VEPH1: variants seen among roughly 807,000 people sequenced by gnomAD.
VEPH1 encodes the protein ventricular zone-expressed PH domain-containing protein homolog 1.
In VEPH1, 80 loss-of-function variants were observed where a neutral mutation model predicts 85.2. The observed-to-expected ratio is 0.94, with a 90% CI of 0.78 to 1.13. The LOEUF (loss-of-function observed/expected upper bound fraction) is 1.13, where lower values mean the gene tolerates loss of function less well. VEPH1 is among the 50% of genes most tolerant of loss of function. VEPH1 has a pLI of 0.00. For synonymous variants in VEPH1, 297 were observed against 348.0 expected, an observed-to-expected ratio of 0.85 and a Z score of 1.63; for missense variants, 955 against 980.5, an observed-to-expected ratio of 0.97 and a Z score of 0.35.
At chr3:157,369,192 A>AACAAAAAAAAAAAAAAAAAAC (rs1170711720) in intron 7 of VEPH1, among the ~76,000 whole-genome samples, 4 of 142,782 alleles carry the variant, frequency 2.8e-5, no homozygotes, top group South Asian at 4.9e-4. Flanking sequence ...AAAAAAAAAA[A>AACAAAAAAAAAAAAAAAAAAC]AAAAAAAAAA....
intron 7 of VEPH1, among the ~76,000 whole-genome samples, chr3:157,371,819 T>C (rs1271178721): frequency 6.6e-6 from 1 of 152,210 alleles, no homozygotes; most frequent in East Asian, 1.9e-4. Context: ...AGGTACATTT[T>C]CGGGTTTTGC....
chr3:157,400,187 C>A (rs1020489372), intron 6 of VEPH1, among the ~76,000 whole-genome samples: 1 of 151,712 alleles, frequency 6.6e-6, no homozygotes, highest in African/African-American at 2.4e-5. Context: ...GCTGTCTGGG[C>A]AAAACAATTT....
At chr3:157,429,862 T>C (rs1733014859) in intron 4 of VEPH1, among the ~76,000 whole-genome samples, 1 of 152,204 alleles carries the variant, frequency 6.6e-6, no homozygotes, top group Non-Finnish European at 1.5e-5. Context: ...AGTTGCAGTC[T>C]AAGACAGGAA....
rs1443211693 is a variant in VEPH1 at position 157,302,659 on chromosome 3, G to A, written c.2010+10962C>T. On this transcript the variant is annotated intron_variant, in intron 11 of 13. Coordinates refer to ENST00000362010, the MANE Select transcript of VEPH1 (RefSeq NM_001167912.2). ...CATTTTTGTTGTTTATAAGCACCCA[G>A]TTAATAGTATTTTGTTATAGCAGCC... Among the ~76,000 whole-genome samples, 71 of 152,178 alleles carry A rather than the reference G, an allele frequency of 4.7e-4. 1 individual carries two copies. Among genetic ancestry groups the A allele is most frequent in the Non-Finnish European group, 2.9e-5 (2 of 68,030 alleles).
intron 9 of VEPH1, among the ~76,000 whole-genome samples, chr3:157,340,357 G>A (rs561386345): frequency 2.0e-4 from 31 of 152,282 alleles, no homozygotes; most frequent in Admixed American, 6.5e-4. Flanking sequence ...CTTAGCAAAC[G>A]GCACACCAGG....
intron 9 of VEPH1, among the ~76,000 whole-genome samples, chr3:157,321,151 T>A (rs1721305921): frequency 6.6e-6 from 1 of 152,068 alleles, no homozygotes; most frequent in South Asian, 2.1e-4. Context: ...ATAAATTAGG[T>A]CTCATTTTGA....
chr3:157,293,070 T>C (rs1191384201), intron 11 of VEPH1, among the ~76,000 whole-genome samples: 2 of 152,148 alleles, frequency 1.3e-5, no homozygotes, highest in South Asian at 2.1e-4. Context: ...GCTTTCATTT[T>C]TAAACATCAG....
Position 157,308,853 on chromosome 3 carries a change from A to G in VEPH1, c.2010+4768T>C, listed in dbSNP as rs567632089. Among the ~76,000 whole-genome samples, 3 of 152,242 alleles carry G rather than the reference A, an allele frequency of 2.0e-5. No individual in the cohort carries two copies. In the South Asian group the frequency reaches 6.2e-4, roughly 32 times the overall value. The stretch of plus-strand genomic sequence containing the variant: ...ACTTAGTTTACTCATTTGTAAGATG[A>G]TAATAATAATGCTGTCTATCTCATA... On this transcript the variant is annotated intron_variant, in intron 11 of 13. Transcript: ENST00000362010.
intron 2 of VEPH1, among the ~76,000 whole-genome samples, chr3:157,471,808 T>C (rs1347530332): frequency 6.6e-6 from 1 of 152,094 alleles, no homozygotes; most frequent in Non-Finnish European, 1.5e-5. Flanking sequence ...TATCTCTACG[T>C]TTCATTATTT....
At chr3:157,438,709 A>G (rs1020368699) in intron 4 of VEPH1, among the ~76,000 whole-genome samples, 3 of 152,162 alleles carry the variant, frequency 2.0e-5, no homozygotes, top group Admixed American at 6.5e-5. Context: ...CCCATGTGAC[A>G]CTCCATGAAT....
chr3:157,349,617 A>G (rs1049843124), intron 9 of VEPH1, among the ~76,000 whole-genome samples: 4 of 152,182 alleles, frequency 2.6e-5, no homozygotes, highest in Non-Finnish European at 5.9e-5. Context: ...TGACATGATC[A>G]TATATATAGA....
chr3:157,267,263 A>C (rs1446442362), intron 12 of VEPH1, among the ~76,000 whole-genome samples: 2 of 150,676 alleles, frequency 1.3e-5, no homozygotes, highest in Non-Finnish European at 3.0e-5. Context: ...GCTCGGCTAA[A>C]TTTTTGTATT....
intron 11 of VEPH1, among the ~76,000 whole-genome samples, chr3:157,290,398 C>A (rs1717338781): frequency 6.6e-6 from 1 of 152,204 alleles, no homozygotes; most frequent in Non-Finnish European, 1.5e-5. Flanking sequence ...GAAATCCTGA[C>A]ACTCTGGTAC....
chr3:157,369,179 T>TGAAAAAAAAAAAAAAA (rs1727114463), intron 7 of VEPH1, among the ~76,000 whole-genome samples: 1 of 15,054 alleles, frequency 6.6e-5, no homozygotes, highest in Non-Finnish European at 1.2e-4. Flanking sequence ...AAAAACCAAA[T>TGAAAAAAAAAAAAAAA]GAAAAAAAAA....
chr3:157,352,669 A>G (rs1259824397), intron 9 of VEPH1, among the ~76,000 whole-genome samples: 1 of 152,260 alleles, frequency 6.6e-6, no homozygotes, highest in African/African-American at 2.4e-5. Flanking sequence ...CAAAATTAGT[A>G]ATAAAGTTGT....
At chr3:157,285,464 T>C (rs1716650353) in intron 12 of VEPH1, among the ~76,000 whole-genome samples, 1 of 152,228 alleles carries the variant, frequency 6.6e-6, no homozygotes, top group Non-Finnish European at 1.5e-5. Context: ...GAGGACAGAC[T>C]TGCCACAATG....
In VEPH1 at chr3:157,384,420, T is replaced by C. The variant is rs187586135; in HGVS notation, c.907-3044A>G. ...GAGGTAACTTCCTTACTTTCAGAAG[T>C]AGATTTTTCATTAGAATTTTTAAAA... is the stretch of plus-strand genomic sequence containing the variant. On this transcript the variant is annotated intron_variant, in intron 6 of 13. Coordinates refer to ENST00000362010, the MANE Select transcript of VEPH1 (RefSeq NM_001167912.2). Among the ~76,000 whole-genome samples the C allele has an allele frequency of 9.2e-5, 14 of 152,328 alleles. No individual in the cohort carries two copies. In the East Asian group the frequency reaches 1.5e-3, roughly 17 times the overall value.
chr3:157,295,137 G>A (rs1364586701), intron 11 of VEPH1, among the ~76,000 whole-genome samples: 1 of 152,156 alleles, frequency 6.6e-6, no homozygotes, highest in Non-Finnish European at 1.5e-5. Context: ...ATGACATCTG[G>A]TTCTCATCAT....
chr3:157,389,893 C>A (rs1177424816), intron 6 of VEPH1, among the ~76,000 whole-genome samples: 1 of 152,132 alleles, frequency 6.6e-6, no homozygotes, highest in Non-Finnish European at 1.5e-5. Flanking sequence ...GCATATTTTC[C>A]AGTTTATCTT....
Sources: allele counts gnomAD v4.1 joint callset (sites outside exome capture counted in the v4.1 genomes callset), GRCh38; gene constraint gnomAD v4.1.1; transcripts MANE v1.5; gene names NCBI Gene and HGNC (gene_info 2026-07-23, HGNC 2026-07-21).